The following GPATCH2 variants were observed in gnomAD, a reference collection of about 807,000 sequenced individuals.
The protein encoded by GPATCH2 is G-patch domain containing 2.
In GPATCH2, 51 loss-of-function variants were observed where a neutral mutation model predicts 58.0. The observed-to-expected ratio is 0.88, with a 90% CI of 0.70 to 1.11. The LOEUF (loss-of-function observed/expected upper bound fraction) is 1.11, where lower values mean the gene tolerates loss of function less well. GPATCH2 is among the 50% of genes most tolerant of loss of function. GPATCH2 has a pLI of 0.00. For missense variants in GPATCH2, 625 were observed against 652.2 expected, an observed-to-expected ratio of 0.96 and a Z score of 0.45; for synonymous variants, 222 against 218.5, an observed-to-expected ratio of 1.02 and a Z score of -0.14.
chr1:217,500,613 G>A (rs1662248520), intron 6 of GPATCH2, among the ~76,000 whole-genome samples: 1 of 152,058 alleles, frequency 6.6e-6, no homozygotes, highest in Admixed American at 6.6e-5. Context: ...TGTTTGGAAT[G>A]TGATCTGGAT....
At chr1:217,522,210 A>C (rs1458491333) in intron 5 of GPATCH2, among the ~76,000 whole-genome samples, 1 of 152,228 alleles carries the variant, frequency 6.6e-6, no homozygotes, top group Non-Finnish European at 1.5e-5. Context: ...TTGGTCTATT[A>C]GAATAATAAT....
rs1666079351 is a variant in GPATCH2, at chr1:217,564,101, CAGAATAATTTGAAGACAGAA to C, written c.1098+46200_1098+46219del. ...TATGTATAAAAACGATAATTTATTC[CAGAATAATTTGAAGACAGAA>C]AGGAATGTTGTGAATTACTCAAAGA... On this transcript the variant is annotated intron_variant, in intron 5 of 9. Coordinates refer to ENST00000366935, the MANE Select transcript of GPATCH2 (RefSeq NM_018040.5). 2.1e-5 allele frequency among the ~76,000 whole-genome samples: 3 copies of C among 140,956 alleles called. No individual in the cohort carries two copies. In the South Asian group the frequency reaches 7.0e-4, roughly 33 times the overall value. The allele number at this position is 140,956 out of a possible 152,430, so 92.5% of individuals were successfully genotyped here.
intron 8 of GPATCH2, among the ~76,000 whole-genome samples, chr1:217,469,622 T>C (rs1660628856): frequency 6.6e-6 from 1 of 152,116 alleles, no homozygotes; most frequent in Non-Finnish European, 1.5e-5. Flanking sequence ...AAATGAGTGA[T>C]AGCCAAATAT....
intron 9 of GPATCH2, among the ~76,000 whole-genome samples, chr1:217,436,990 A>G (rs1658865873): frequency 6.6e-6 from 1 of 152,166 alleles, no homozygotes; most frequent in East Asian, 1.9e-4. Flanking sequence ...AGCGAGATCA[A>G]TGCAGAAGGT....
chr1:217,549,660 T>A (rs928724675), intron 5 of GPATCH2, among the ~76,000 whole-genome samples: 3 of 152,164 alleles, frequency 2.0e-5, no homozygotes, highest in Admixed American at 1.3e-4. Context: ...TGATAACTCA[T>A]ATTCCTTGGT....
intron 9 of GPATCH2, among the ~76,000 whole-genome samples, chr1:217,436,641 C>T (rs1658848628): frequency 6.6e-6 from 1 of 152,156 alleles, no homozygotes. Flanking sequence ...ATCACAGACA[C>T]ATTTGGATAA....
chr1:217,543,763 A>G (rs540887921), intron 5 of GPATCH2, among the ~76,000 whole-genome samples: 2 of 152,340 alleles, frequency 1.3e-5, no homozygotes, highest in East Asian at 1.9e-4. Flanking sequence ...ATGTTCTGAG[A>G]AAGAGTGTAT....
intron 6 of GPATCH2, among the ~76,000 whole-genome samples, chr1:217,499,304 A>G (rs1662179806): frequency 6.6e-6 from 1 of 152,174 alleles, no homozygotes; most frequent in African/African-American, 2.4e-5. Context: ...TTTATTTCCC[A>G]TCTTCATAAA....
chr1:217,614,110 C>A, intron 3 of GPATCH2, 31 bp downstream of exon 3: 1 of 1,297,460 alleles, frequency 7.7e-7, no homozygotes, highest in Non-Finnish European at 1.1e-6. Flanking sequence ...AGAAGTTTTT[C>A]CAAAGAGAGA....
At chr1:217,598,964 C>T (rs1195083040) in intron 5 of GPATCH2, among the ~76,000 whole-genome samples, 1 of 151,968 alleles carries the variant, frequency 6.6e-6, no homozygotes, top group Non-Finnish European at 1.5e-5. Flanking sequence ...AACAGAGTGA[C>T]CTCAAAAGTG....
At chr1:217,523,787 C>T (rs1183829618) in intron 5 of GPATCH2, among the ~76,000 whole-genome samples, 2 of 142,266 alleles carry the variant, frequency 1.4e-5, no homozygotes, top group African/African-American at 5.1e-5. Context: ...GACGGGGCGG[C>T]TGGCCAGGTG....
In GPATCH2 at chr1:217,427,629, A is replaced by G. The variant is rs1219411616; in HGVS notation, c.*3516T>C. 1 of 152,134 alleles carries G rather than the reference A, an allele frequency of 6.6e-6. No homozygotes were observed. The highest frequency in any genetic ancestry group is 1.5e-5 in the Non-Finnish European group (1 of 67,982). 9.4% of individuals were successfully genotyped at this position (152,134 alleles called of 1,614,324 possible). ...TAAAAAAAAATATTCTTTGCTAACA[A>G]TTTCTTTACAATGCCAACTTAGATC... On this transcript the variant is annotated 3_prime_UTR_variant, in exon 10 of 10. Coordinates refer to ENST00000366935, the MANE Select transcript of GPATCH2 (RefSeq NM_018040.5).
intron 8 of GPATCH2, among the ~76,000 whole-genome samples, chr1:217,484,816 T>G (rs1420060669): frequency 2.0e-5 from 3 of 151,114 alleles, no homozygotes; most frequent in African/African-American, 7.3e-5. Flanking sequence ...TGTATATGTG[T>G]ATATAGATAT....
intron 5 of GPATCH2, among the ~76,000 whole-genome samples, chr1:217,550,331 C>T (rs1232841427): frequency 2.0e-5 from 3 of 152,006 alleles, no homozygotes; most frequent in South Asian, 2.1e-4. Flanking sequence ...TTCATTTATT[C>T]GCCAAATGCT....
At chr1:217,471,040 A>G (rs947121403) in intron 8 of GPATCH2, among the ~76,000 whole-genome samples, 3 of 152,018 alleles carry the variant, frequency 2.0e-5, no homozygotes, top group Admixed American at 6.5e-5. Flanking sequence ...ATGAGAATAA[A>G]CTAGAAATTT....
At chr1:217,595,353 A>C (rs966312621) in intron 5 of GPATCH2, among the ~76,000 whole-genome samples, 2 of 152,222 alleles carry the variant, frequency 1.3e-5, no homozygotes, top group Non-Finnish European at 2.9e-5. Context: ...CAAGTAATGT[A>C]AATTTCAAGT....
chr1:217,549,999 T>TTCCTAA (rs1665268589), intron 5 of GPATCH2, among the ~76,000 whole-genome samples: 2 of 152,176 alleles, frequency 1.3e-5, no homozygotes, highest in Non-Finnish European at 2.9e-5. Context: ...CTGTAAGGAA[T>TTCCTAA]AACTGTCTAT....
Position 217,518,689 on chromosome 1 carries a change from A to T in GPATCH2, c.1099-3800T>A, listed in dbSNP as rs149589936. 6.7e-3 allele frequency among the ~76,000 whole-genome samples: 1,019 copies of T among 152,336 alleles called. 13 individuals are homozygous for T. The highest frequency in any genetic ancestry group is 0.023 in the African/African-American group (942 of 41,576). Reference sequence around the variant, plus strand: ...TCAATGATTGAGATTCCTTCTGTAAATTAATGAAGTTTCTTTTCATGTCCA... The same window carrying T: ...TCAATGATTGAGATTCCTTCTGTAATTTAATGAAGTTTCTTTTCATGTCCA... On this transcript the variant is annotated intron_variant, in intron 5 of 9. Coordinates refer to ENST00000366935, the MANE Select transcript of GPATCH2 (RefSeq NM_018040.5).
In GPATCH2 at chr1:217,631,032, A is replaced by G. The variant is rs1472544895; in HGVS notation, c.-61T>C. 2 of 1,451,236 alleles carry G rather than the reference A, an allele frequency of 1.4e-6. No individual in the cohort carries two copies. 89.9% of individuals were successfully genotyped at this position (1,451,236 alleles called of 1,614,324 possible). A position where few individuals can be genotyped will look rare whatever the true frequency, so the allele number is the denominator to read the frequency against. ...CCCGTGAACAGACTCCAACTACAAC[A>G]GCACCGGCGACTTCCAAAGAGCAGT... On this transcript the variant is annotated 5_prime_UTR_variant, in exon 1 of 10. Transcript: ENST00000366935.
Sources: gnomAD v4.1 joint callset for allele counts (sites outside exome capture counted in the v4.1 genomes callset) on GRCh38, gnomAD v4.1.1 for gene constraint, MANE v1.5 for transcripts, NCBI Gene and HGNC (gene_info 2026-07-23, HGNC 2026-07-21) for gene names.